Variants in INSYN2A observed in about 807,000 individuals in gnomAD.
INSYN2A encodes inhibitory synaptic factor 2A, also known as family with sequence similarity 196 member A.
In INSYN2A, 17 loss-of-function variants were observed where a neutral mutation model predicts 39.4. The observed-to-expected ratio is 0.43, with a 90% CI of 0.30 to 0.65. The LOEUF (loss-of-function observed/expected upper bound fraction) is 0.65. Among genes scored for constraint, INSYN2A ranks in the 30% least tolerant of loss-of-function variants. INSYN2A has a pLI of 0.14. For missense variants in INSYN2A, 595 were observed against 631.2 expected (o/e 0.94, Z 0.61); for synonymous variants, 255 against 265.7 (o/e 0.96, Z 0.39).
At chr10:127,149,217 G>A (rs1399817957) in intron 5 of INSYN2A, among the ~76,000 whole-genome samples, 2 of 152,104 alleles carry the variant, frequency 1.3e-5, no homozygotes, top group Admixed American at 6.6e-5. Context: ...TGATCCCTTA[G>A]TGCAACCCCA....
chr10:127,193,859 G>A (rs1564890755), intron 1 of INSYN2A, among the ~76,000 whole-genome samples: 1 of 152,178 alleles, frequency 6.6e-6, no homozygotes, highest in Non-Finnish European at 1.5e-5. Flanking sequence ...CAGAGTAATA[G>A]AGTACCCAGC....
intron 5 of INSYN2A, among the ~76,000 whole-genome samples, chr10:127,140,576 T>C (rs953223730): frequency 2.1e-5 from 3 of 143,534 alleles, no homozygotes; most frequent in Non-Finnish European, 4.7e-5. Flanking sequence ...TGGACACTGC[T>C]TCCTGCTCAA....
chr10:127,163,365 A>C lies in INSYN2A; in HGVS notation c.1185-9442T>G, dbSNP rs1356588813. Among the ~76,000 whole-genome samples the C allele has an allele frequency of 7.9e-5, 12 of 151,888 alleles. No individual in the cohort carries two copies. In the South Asian group the frequency reaches 2.1e-3, roughly 26 times the overall value. ...ATTTATCGCCATGGAGTATACCGGG[A>C]GCTGTAGCTATTTCGCTTTCCCTGT... On this transcript the variant is annotated intron_variant, in intron 4 of 5. Coordinates refer to ENST00000522781, the MANE Select transcript of INSYN2A (RefSeq NM_001039762.3).
At chr10:127,148,298 T>C (rs576794110) in intron 5 of INSYN2A, among the ~76,000 whole-genome samples, 1 of 152,276 alleles carries the variant, frequency 6.6e-6, no homozygotes, top group Admixed American at 6.5e-5. Context: ...CACAGCGTGC[T>C]CCGGGAGGAT....
intron 5 of INSYN2A, among the ~76,000 whole-genome samples, chr10:127,148,947 A>C (rs776891896): frequency 1.2e-4 from 18 of 152,298 alleles, no homozygotes; most frequent in South Asian, 4.1e-4. Context: ...AACCATCTCA[A>C]AATTTGTCAG....
chr10:127,163,631 T>G (rs1357728379), intron 4 of INSYN2A, among the ~76,000 whole-genome samples: 1 of 152,160 alleles, frequency 6.6e-6, no homozygotes, highest in Admixed American at 6.5e-5. Context: ...ACTCTCACAA[T>G]TTTGTGATGC....
At chr10:127,145,817 G>C in intron 5 of INSYN2A, 1 of 331,838 alleles carries the variant, frequency 3.0e-6, no homozygotes, top group South Asian at 2.3e-5. Flanking sequence ...TCCACTAAAC[G>C]TAGCAGTGAT....
rs1182873184 is a variant in INSYN2A, at chr10:127,196,428, G to A, written c.-826C>T. 4.7e-5 allele frequency among the ~76,000 whole-genome samples: 7 copies of A among 148,640 alleles called. No individual in the cohort carries two copies. Among genetic ancestry groups the A allele is most frequent in the African/African-American group, 1.7e-4 (7 of 41,110 alleles). The stretch of plus-strand genomic sequence containing the variant: ...GTCTTCGGCGAGATCTCAGAGCCAG[G>A]GCCAGGAGGCGGGGGCGGGGCAGAG... On this transcript the variant is annotated 5_prime_UTR_variant, in exon 1 of 6. Transcript: ENST00000522781.
intron 5 of INSYN2A, among the ~76,000 whole-genome samples, chr10:127,142,339 C>T (rs1381036721): frequency 1.3e-5 from 2 of 152,166 alleles, no homozygotes; most frequent in Admixed American, 1.3e-4. Context: ...ACCTCCCAGG[C>T]CTCACTCTCC....
intron 5 of INSYN2A, among the ~76,000 whole-genome samples, chr10:127,152,944 G>C (rs2052652863): frequency 6.6e-6 from 1 of 152,214 alleles, no homozygotes; most frequent in Admixed American, 6.5e-5. Flanking sequence ...TCCCTTGGGA[G>C]AGAACCCTGA....
At chr10:127,147,158 G>T (rs575805171) in intron 5 of INSYN2A, among the ~76,000 whole-genome samples, 3 of 152,274 alleles carry the variant, frequency 2.0e-5, no homozygotes, top group African/African-American at 4.8e-5. Flanking sequence ...GTCATTTGGG[G>T]AAGGAACTTG....
intron 4 of INSYN2A, among the ~76,000 whole-genome samples, chr10:127,165,031 C>T (rs1288451105): frequency 6.6e-6 from 1 of 152,192 alleles, no homozygotes; most frequent in Non-Finnish European, 1.5e-5. Context: ...ATTTTGGTGG[C>T]ACTGGCTATC....
At chr10:127,153,805 T>C (rs775901448) in intron 5 of INSYN2A, 47 bp downstream of exon 5, 1 of 1,423,934 alleles carries the variant, frequency 7.0e-7, no homozygotes, top group Non-Finnish European at 9.9e-7. Context: ...GTAAACATCA[T>C]TTGTCACTCA....
At chr10:127,164,047 C>CAGTTAGCAGGG (rs1334385802) in intron 4 of INSYN2A, among the ~76,000 whole-genome samples, 3 of 151,374 alleles carry the variant, frequency 2.0e-5, no homozygotes, top group Admixed American at 6.6e-5. Flanking sequence ...CAAAGCATCA[C>CAGTTAGCAGGG]AGTTAGCAGG....
chr10:127,188,685 C>T (rs2056494444), intron 2 of INSYN2A, among the ~76,000 whole-genome samples: 1 of 152,210 alleles, frequency 6.6e-6, no homozygotes, highest in Non-Finnish European at 1.5e-5. Flanking sequence ...TTCCCCTCCA[C>T]TTAATAGCCC....
rs933635463 is a variant in INSYN2A at position 127,137,425 on chromosome 10, G to A, written c.*412C>T. ...AAAATGAAGTCCTTCGCAAACATAA[G>A]GCTTGCTTTTTCTTCTCATTATTTA... On this transcript the variant is annotated 3_prime_UTR_variant, in exon 6 of 6. Transcript: ENST00000522781. 6.3e-6 allele frequency: 1 copy of A among 157,542 alleles called. No homozygotes were observed. Among genetic ancestry groups the A allele is most frequent in the Non-Finnish European group, 1.4e-5 (1 of 71,870 alleles). 9.8% of individuals were successfully genotyped at this position (157,542 alleles called of 1,614,324 possible).
intron 2 of INSYN2A, among the ~76,000 whole-genome samples, chr10:127,185,286 T>C (rs2056123274): frequency 6.6e-6 from 1 of 152,138 alleles, no homozygotes; most frequent in Non-Finnish European, 1.5e-5. Flanking sequence ...CCCAGCACTT[T>C]GGGAGGCTGA....
At chr10:127,185,292 G>T (rs950197463) in intron 2 of INSYN2A, among the ~76,000 whole-genome samples, 6 of 152,174 alleles carry the variant, frequency 3.9e-5, no homozygotes, top group African/African-American at 1.4e-4. Flanking sequence ...ACTTTGGGAG[G>T]CTGAGGTGGG....
chr10:127,176,152 C>G lies in INSYN2A; in HGVS notation c.244G>C (p.Ala82Pro). 1 of 1,614,096 alleles carries G rather than the reference C, an allele frequency of 6.2e-7. No individual in the cohort carries two copies. The highest frequency in any genetic ancestry group is 8.5e-7 in the Non-Finnish European group (1 of 1,180,022). ...ACTGTCATGTATTTGCGGTAGGCTG[C>G]TCTGCAGGACACGGGCTTGGCCTCC... ...KREAKPVSCR[A>P]AYRKYMTVPA... The change falls in exon 4 of 6, where the codon GCA (alanine) becomes CCA (proline). Residue 82 changes from alanine to proline, a missense_variant. Ala to Pro is a conservative substitution (Grantham distance 27, BLOSUM62 -1). Coordinates refer to ENST00000522781, the MANE Select transcript of INSYN2A (RefSeq NM_001039762.3). The surrounding 1 kb of genome is among the most constrained non-coding windows in gnomAD (Gnocchi z 4.4).
Sources: allele counts gnomAD v4.1 joint callset (sites outside exome capture counted in the v4.1 genomes callset), GRCh38; gene constraint gnomAD v4.1.1; non-coding constraint Gnocchi (gnomAD v3.1); transcripts MANE v1.5; gene names NCBI Gene and HGNC (gene_info 2026-07-23, HGNC 2026-07-21).